ROBO2: variants seen among roughly 807,000 people sequenced by gnomAD.
ROBO2 encodes roundabout homolog 2.
Under a neutral mutation model 160.8 loss-of-function variants are expected in ROBO2, and 53 were observed. The ratio of observed to expected loss-of-function variants is 0.33; its 90% CI spans 0.26 to 0.41. The LOEUF is 0.41. Among genes scored for constraint, ROBO2 ranks in the 10% least tolerant of loss-of-function variants. The pLI, the probability that ROBO2 is intolerant of heterozygous loss-of-function variation, is 1.00. For synonymous variants in ROBO2, 664 were observed against 611.7 expected, an observed-to-expected ratio of 1.09 and a Z score of -1.26; for missense variants, 1,577 against 1,722.4, an observed-to-expected ratio of 0.92 and a Z score of 1.49.
intron 2 of ROBO2, among the ~76,000 whole-genome samples, chr3:77,379,951 G>A (rs986250889): frequency 1.3e-5 from 2 of 152,030 alleles, no homozygotes; most frequent in African/African-American, 4.8e-5. Context: ...CTGCATACAG[G>A]CGGAGCATCT....
chr3:76,276,154 A>G (rs1445145158), intron 2 of ROBO2, among the ~76,000 whole-genome samples: 2 of 152,060 alleles, frequency 1.3e-5, no homozygotes, highest in Non-Finnish European at 2.9e-5. Flanking sequence ...GTTTGTTAAA[A>G]TGTATATTTT....
chr3:76,256,217 G>A (rs1372822656), intron 2 of ROBO2, among the ~76,000 whole-genome samples: 2 of 151,920 alleles, frequency 1.3e-5, no homozygotes, highest in Non-Finnish European at 1.5e-5. Context: ...GGCTGAGGCT[G>A]AAGGATTCCT....
chr3:76,916,773 A>G (rs2076342606), intron 2 of ROBO2, among the ~76,000 whole-genome samples: 1 of 152,166 alleles, frequency 6.6e-6, no homozygotes, highest in African/African-American at 2.4e-5. Flanking sequence ...AGAAAAGAAA[A>G]AGAACAAATC....
intron 2 of ROBO2, among the ~76,000 whole-genome samples, chr3:76,050,217 G>A (rs1482676965): frequency 6.6e-6 from 1 of 152,118 alleles, no homozygotes; most frequent in African/African-American, 2.4e-5. Flanking sequence ...AGAAGAACTC[G>A]GAAGGACTAG....
chr3:77,235,529 C>T (rs183871173), intron 2 of ROBO2, among the ~76,000 whole-genome samples: 99 of 152,070 alleles, frequency 6.5e-4, no homozygotes, highest in Non-Finnish European at 1.3e-3. Flanking sequence ...CCTATTATAC[C>T]TTTATACATT....
At chr3:76,251,465 G>A (rs1292096670) in intron 2 of ROBO2, among the ~76,000 whole-genome samples, 2 of 152,170 alleles carry the variant, frequency 1.3e-5, no homozygotes, top group East Asian at 1.9e-4. Flanking sequence ...ATGGTGTGAT[G>A]TCACAATTTG....
intron 2 of ROBO2, among the ~76,000 whole-genome samples, chr3:77,163,038 G>A (rs547467299): frequency 3.9e-5 from 6 of 151,968 alleles, no homozygotes; most frequent in East Asian, 1.9e-4. Context: ...GTTTCACCAC[G>A]TTGGCCAGGC....
At chr3:76,343,900 T>C (rs1056690579) in intron 2 of ROBO2, among the ~76,000 whole-genome samples, 1 of 152,080 alleles carries the variant, frequency 6.6e-6, no homozygotes, top group Non-Finnish European at 1.5e-5. Context: ...ATTCATTACT[T>C]CTATTTTGAT....
chr3:77,435,881 A>C (rs1240569052), intron 2 of ROBO2, among the ~76,000 whole-genome samples: 1 of 151,476 alleles, frequency 6.6e-6, no homozygotes, highest in Admixed American at 6.6e-5. Flanking sequence ...TTTACTGTGC[A>C]AAAAAATCAT....
intron 2 of ROBO2, among the ~76,000 whole-genome samples, chr3:77,370,901 C>A (rs1407730848): frequency 2.6e-5 from 4 of 152,124 alleles, no homozygotes; most frequent in African/African-American, 9.7e-5. Context: ...TTTTACAGAT[C>A]TCTGCCCTAG....
chr3:77,039,009 C>A (rs538306875), upstream of ROBO2, among the ~76,000 whole-genome samples: 1 of 152,318 alleles, frequency 6.6e-6, no homozygotes, highest in African/African-American at 2.4e-5. Flanking sequence ...TCCTTAGCAT[C>A]TTCTGTGGAA....
chr3:76,973,456 A>T lies in ROBO2; in HGVS notation c.110-124558A>T, dbSNP rs956371524. ...AAGTTATAACATTATATTAATAAGA[A>T]TATCATAGAAAGAATAATTATAATA... On this transcript the variant is annotated intron_variant, in intron 2 of 26. Coordinates refer to the ROBO2 transcript ENST00000487694. Among the ~76,000 whole-genome samples, 16 of 152,088 alleles carry T rather than the reference A, an allele frequency of 1.1e-4. 1 individual carries two copies. Among genetic ancestry groups the T allele is most frequent in the Non-Finnish European group, 4.4e-5 (3 of 68,014 alleles).
intron 2 of ROBO2, among the ~76,000 whole-genome samples, chr3:77,148,599 A>T (rs1258601568): frequency 6.6e-6 from 1 of 152,232 alleles, no homozygotes; most frequent in East Asian, 1.9e-4. Context: ...ATAAATGAGG[A>T]CAGTCTGAAG....
chr3:77,343,084 G>A (rs3072053), intron 2 of ROBO2, among the ~76,000 whole-genome samples: 85 of 145,960 alleles, frequency 5.8e-4, no homozygotes, highest in African/African-American at 8.6e-4. Flanking sequence ...GAGAGAGAGA[G>A]AGAACTTTCT....
At chr3:77,399,042 A>T (rs1166492956) in intron 2 of ROBO2, among the ~76,000 whole-genome samples, 1 of 152,156 alleles carries the variant, frequency 6.6e-6, no homozygotes, top group Admixed American at 6.6e-5. Flanking sequence ...TTGGTTCCTT[A>T]TACAAGCCTT....
At chr3:76,715,152 T>C (rs2093359203) in intron 2 of ROBO2, among the ~76,000 whole-genome samples, 2 of 152,242 alleles carry the variant, frequency 1.3e-5, no homozygotes, top group East Asian at 3.9e-4. Flanking sequence ...TTCCATCTCG[T>C]AAATAATTAG....
rs951904509 is a variant in ROBO2, at chr3:76,036,582, G to A, written c.109+98980G>A. Among the ~76,000 whole-genome samples, 8 of 151,474 alleles carry A rather than the reference G, an allele frequency of 5.3e-5. No individual in the cohort carries two copies. In the South Asian group the frequency reaches 6.3e-4, roughly 12 times the overall value. On this transcript the variant is annotated intron_variant, in intron 2 of 26. Coordinates refer to the ROBO2 transcript ENST00000487694. ...CTCAATGGCGTGATCTCGGCTCACC[G>A]CAACCTCTGCCTCCCAGGCTCAAGT...
At chr3:77,024,509 TGC>T (rs1411460540) in intron 2 of ROBO2, among the ~76,000 whole-genome samples, 8 of 152,234 alleles carry the variant, frequency 5.3e-5, no homozygotes, top group Non-Finnish European at 8.8e-5. Context: ...GCATATACAA[TGC>T]TATGATCTGG....
chr3:76,546,034 C>G (rs1006358647), intron 2 of ROBO2, among the ~76,000 whole-genome samples: 1 of 151,842 alleles, frequency 6.6e-6, no homozygotes, highest in South Asian at 2.1e-4. Context: ...GGCTAAGTTC[C>G]CATCCACAGT....
Sources: allele counts gnomAD v4.1 joint callset (sites outside exome capture counted in the v4.1 genomes callset), GRCh38; gene constraint gnomAD v4.1.1; transcripts MANE v1.5; gene names NCBI Gene and HGNC (gene_info 2026-07-23, HGNC 2026-07-21).